Variants in RBX1 observed in about 807,000 individuals in gnomAD.
The protein encoded by RBX1 is E3 ubiquitin-protein ligase RBX1.
For missense variants in RBX1, 46 were observed against 141.4 expected (o/e 0.33, Z 3.42); for synonymous variants, 48 against 47.9 (o/e 1.00, Z -0.01).
chr22:40,964,146 G>A, intron 3 of RBX1, 29 bp downstream of exon 3: 4 of 1,545,890 alleles, frequency 2.6e-6, no homozygotes, highest in Non-Finnish European at 3.6e-6. Flanking sequence ...CTGTCAGCAT[G>A]GCTTGTAAAC....
At chr22:40,966,840 G>A (rs529921783) in intron 3 of RBX1, 1 of 152,192 alleles carries the variant, frequency 6.6e-6, no homozygotes, top group Non-Finnish European at 1.5e-5. Flanking sequence ...ACCAATCACA[G>A]ACGAAATGAA....
chr22:40,959,006 G>T (rs1314375653), intron 2 of RBX1, among the ~76,000 whole-genome samples: 4 of 152,106 alleles, frequency 2.6e-5, no homozygotes, highest in Non-Finnish European at 5.9e-5. Flanking sequence ...TAGAAACAGG[G>T]TTTCACCATG....
chr22:40,956,186 T>G (rs769998272), intron 2 of RBX1, among the ~76,000 whole-genome samples: 3 of 152,144 alleles, frequency 2.0e-5, no homozygotes, highest in Non-Finnish European at 2.9e-5. Flanking sequence ...GTGAAATGCT[T>G]GAGACATCAT....
chr22:40,952,897 A>C (rs2058315187), intron 1 of RBX1, among the ~76,000 whole-genome samples: 1 of 151,802 alleles, frequency 6.6e-6, no homozygotes. Context: ...TCATGCTTCC[A>C]GAGCTGTGTA....
Position 40,972,697 on chromosome 22 carries a change from G to A in RBX1, c.*209G>A, listed in dbSNP as rs1029830537. On this transcript the variant is annotated 3_prime_UTR_variant, in exon 5 of 5. Coordinates refer to ENST00000216225, the MANE Select transcript of RBX1 (RefSeq NM_014248.4). ...TCTCTCTTGTGTATGTGAACAAAGT[G>A]AACATAAATGAAGAGTCTCCCCTTC... is the stretch of plus-strand genomic sequence containing the variant. The A allele has an allele frequency of 1.9e-6, 1 of 523,072 alleles. No individual in the cohort carries two copies. The highest frequency in any genetic ancestry group is 3.5e-6 in the Non-Finnish European group (1 of 288,880). 32.4% of individuals were successfully genotyped at this position (523,072 alleles called of 1,614,324 possible).
chr22:40,952,482 A>G, intron 1 of RBX1, among the ~76,000 whole-genome samples: 1 of 152,232 alleles, frequency 6.6e-6, no homozygotes, highest in East Asian at 1.9e-4. Context: ...TTGAAAAATA[A>G]TAGAAGTAGG....
In RBX1 at chr22:40,956,989, C is replaced by T. The variant is rs543816948; in HGVS notation, c.157+3356C>T. On this transcript the variant is annotated intron_variant, in intron 2 of 4. Coordinates refer to ENST00000216225, the MANE Select transcript of RBX1 (RefSeq NM_014248.4). Reference sequence around the variant, plus strand: ...GGCGGAGGTTGCAGTGAGCTGAGATCGCGCCATTGCACTCCAGCCTGGGTG... The same window carrying T: ...GGCGGAGGTTGCAGTGAGCTGAGATTGCGCCATTGCACTCCAGCCTGGGTG... Among the ~76,000 whole-genome samples the T allele has an allele frequency of 1.5e-4, 22 of 151,586 alleles. No homozygotes were observed. The South Asian group carries it at 4.2e-3, about 29-fold the overall frequency.
chr22:40,967,939 G>T, intron 4 of RBX1, 55 bp downstream of exon 4: 1 of 1,264,052 alleles, frequency 7.9e-7, no homozygotes, highest in South Asian at 1.2e-5. Flanking sequence ...AGGCTGAAAG[G>T]AGCGTGGTCT....
At chr22:40,967,208 G>C (rs950463788) in intron 3 of RBX1, 1 of 152,164 alleles carries the variant, frequency 6.6e-6, no homozygotes, top group African/African-American at 2.4e-5. Flanking sequence ...CTGAGCTCTT[G>C]TAATATCAAT....
intron 2 of RBX1, among the ~76,000 whole-genome samples, chr22:40,958,884 G>A (rs1345538061): frequency 6.6e-6 from 1 of 152,026 alleles, no homozygotes; most frequent in Non-Finnish European, 1.5e-5. Context: ...CATGATCTCG[G>A]TGCACTGCAA....
intron 3 of RBX1, chr22:40,966,878 ACG>A (rs2058355761): frequency 6.6e-6 from 1 of 152,162 alleles, no homozygotes. Flanking sequence ...CTGTCCTAAT[ACG>A]CACATGAGCA....
At position 40,973,226 on chromosome 22, in the gene RBX1, A is replaced by G. The variant is rs2058373965; in HGVS notation, c.*738A>G. On this transcript the variant is annotated 3_prime_UTR_variant, in exon 5 of 5. Coordinates refer to ENST00000216225, the MANE Select transcript of RBX1 (RefSeq NM_014248.4). ...GGGGTGTGCTTGGGGATGGTTTTGG[A>G]ACTGTTCCACCTGAGATCATGAGGC... The G allele has an allele frequency of 1.3e-5, 2 of 152,096 alleles. No individual in the cohort carries two copies. The highest frequency in any genetic ancestry group is 1.3e-4 in the Admixed American group (2 of 15,238). 9.4% of individuals were successfully genotyped at this position (152,096 alleles called of 1,614,324 possible). A position where few individuals can be genotyped will look rare whatever the true frequency, so the allele number is the denominator to read the frequency against.
chr22:40,952,872 C>CT (rs1225004089), intron 1 of RBX1, among the ~76,000 whole-genome samples: 1 of 151,592 alleles, frequency 6.6e-6, no homozygotes, highest in African/African-American at 2.4e-5. Flanking sequence ...TGTTCTCTAG[C>CT]TTTCACTTCA....
chr22:40,969,679 G>C (rs1252188661), intron 4 of RBX1, among the ~76,000 whole-genome samples: 2 of 152,116 alleles, frequency 1.3e-5, no homozygotes. Flanking sequence ...GAGGTCAGGA[G>C]TTTGAGACCA....
rs2058315953 is a variant in RBX1, at chr22:40,953,131, T to C, written c.79-424T>C. Among the ~76,000 whole-genome samples, 6 of 151,920 alleles carry C rather than the reference T, an allele frequency of 3.9e-5. No homozygotes were observed. The South Asian group carries it at 6.2e-4, about 16-fold the overall frequency. On this transcript the variant is annotated intron_variant, in intron 1 of 4. Transcript: ENST00000216225. Reference sequence around the variant, plus strand: ...TCAGCTTCCCAAACAGCTGGTATTATAGACACCCGCCACCAGGCCTGGCTA... The same window carrying C: ...TCAGCTTCCCAAACAGCTGGTATTACAGACACCCGCCACCAGGCCTGGCTA...
chr22:40,951,502 A>T (rs927320085), intron 1 of RBX1, 26 bp downstream of exon 1: 5 of 1,607,822 alleles, frequency 3.1e-6, no homozygotes, highest in Non-Finnish European at 3.4e-6. Flanking sequence ...CGCCTTCCTC[A>T]GGGAAGCTAG....
intron 4 of RBX1, 94 bp downstream of exon 4, chr22:40,967,978 G>T (rs1195232810): frequency 1.2e-5 from 8 of 688,640 alleles, no homozygotes; most frequent in East Asian, 3.4e-5. Context: ...TACATGCCTT[G>T]TTTTTTTTAA....
At chr22:40,952,502 T>A (rs2058313922) in intron 1 of RBX1, among the ~76,000 whole-genome samples, 2 of 152,172 alleles carry the variant, frequency 1.3e-5, no homozygotes, top group Admixed American at 6.5e-5. Context: ...GGGCTTTTCC[T>A]CCACCTTGAA....
chr22:40,959,875 G>T (rs894249555), intron 2 of RBX1, among the ~76,000 whole-genome samples: 2 of 152,140 alleles, frequency 1.3e-5, no homozygotes, highest in Admixed American at 1.3e-4. Context: ...TCAGCACCAT[G>T]GGAGGCCGAG....
Sources: allele counts gnomAD v4.1 joint callset (sites outside exome capture counted in the v4.1 genomes callset), GRCh38; gene constraint gnomAD v4.1.1; transcripts MANE v1.5; gene names NCBI Gene and HGNC (gene_info 2026-07-23, HGNC 2026-07-21).